The following TESPA1 variants were observed in gnomAD, a reference collection of about 807,000 sequenced individuals.
The protein encoded by TESPA1 is thymocyte expressed, positive selection associated 1.
In TESPA1, 33 loss-of-function variants were observed where a neutral mutation model predicts 57.9. That is an observed-to-expected ratio of 0.57 (90% CI 0.43 to 0.76). The LOEUF is 0.76. Ranked by LOEUF, TESPA1 falls within the 30% of genes least tolerant of loss-of-function variation. TESPA1 has a pLI of 0.00. For missense variants in TESPA1, 618 were observed against 632.9 expected (o/e 0.98, Z 0.25); for synonymous variants, 227 against 228.9 (o/e 0.99, Z 0.07).
intron 3 of TESPA1, among the ~76,000 whole-genome samples, chr12:54,968,421 T>C (rs935012087): frequency 2.0e-5 from 3 of 152,218 alleles, no homozygotes; most frequent in African/African-American, 7.2e-5. Context: ...TTTAAAATTT[T>C]CAGACATGGT....
intron 4 of TESPA1, among the ~76,000 whole-genome samples, 175 bp from the exon 5 acceptor site, chr12:54,967,411 C>A (rs543244462): frequency 3.3e-5 from 5 of 150,638 alleles, no homozygotes; most frequent in African/African-American, 9.8e-5. Flanking sequence ...ACATATATCA[C>A]CTCAGAAGTC....
At chr12:54,973,442 G>A in intron 3 of TESPA1, 35 bp downstream of exon 3, 1 of 1,613,694 alleles carries the variant, frequency 6.2e-7, no homozygotes, top group Non-Finnish European at 8.5e-7. Flanking sequence ...TCAACCATCA[G>A]CCACATACCA....
chr12:54,982,718 A>C (rs187206331), intron 1 of TESPA1, among the ~76,000 whole-genome samples: 2 of 152,374 alleles, frequency 1.3e-5, no homozygotes, highest in Admixed American at 1.3e-4. Context: ...GAAAGTAGGG[A>C]GAATGAGCAG....
At chr12:54,983,289 A>G (rs1952389615) in intron 1 of TESPA1, among the ~76,000 whole-genome samples, 1 of 152,270 alleles carries the variant, frequency 6.6e-6, no homozygotes, top group South Asian at 2.1e-4. Context: ...CCTGGGGTGC[A>G]TGCGAATAAC....
Position 54,949,390 on chromosome 12 carries a change from T to C in TESPA1, c.*1002A>G, listed in dbSNP as rs1416251590. 4 of 151,590 alleles carry C rather than the reference T, an allele frequency of 2.6e-5. No homozygotes were observed. Among genetic ancestry groups the C allele is most frequent in the African/African-American group, 9.7e-5 (4 of 41,316 alleles). The allele number at this position is 151,590 out of a possible 1,614,324, so 9.4% of individuals were successfully genotyped here. ...GTCCCTCTCTTCCTGTTTTTTTTTT[T>C]TTTTTCTTTTGTCTCACAATTTATT... On this transcript the variant is annotated 3_prime_UTR_variant, in exon 11 of 11. Coordinates refer to ENST00000449076, the MANE Select transcript of TESPA1 (RefSeq NM_001136030.3).
At position 54,963,845 on chromosome 12, in the gene TESPA1, T is replaced by C. The variant is rs1410050553; in HGVS notation, c.552A>G (p.Arg184=). 35 of 1,613,756 alleles carry C rather than the reference T, an allele frequency of 2.2e-5. No homozygotes were observed. The highest frequency in any genetic ancestry group is 2.9e-5 in the Non-Finnish European group (34 of 1,179,856). Residue 184 remains arginine (R), a synonymous_variant, in exon 8 of 11, where the codon CGA becomes CGG. Transcript: ENST00000449076. ...TGGCCTGAGAGGGGGTGGTGAAAAA[T>C]CGGGCGGGTATCCGAGAAGTGTCTT... ...DHKDTSRIPA[R]FFTTPSQAKG... is the part of the protein sequence containing the mutation.
intron 3 of TESPA1, among the ~76,000 whole-genome samples, chr12:54,969,182 T>C (rs965900688): frequency 1.5e-4 from 23 of 151,530 alleles, no homozygotes; most frequent in African/African-American, 5.3e-4. Context: ...AGGTTCATTA[T>C]AAAATATGAA....
At chr12:54,966,259 T>C (rs1951424565) in intron 6 of TESPA1, 108 bp from the exon 7 acceptor site, 1 of 1,571,080 alleles carries the variant, frequency 6.4e-7, no homozygotes, top group Non-Finnish European at 8.7e-7. Flanking sequence ...GTCTATGCAG[T>C]GCTTGTTCGT....
chr12:54,960,204 C>T (rs1950988317), intron 10 of TESPA1, among the ~76,000 whole-genome samples: 1 of 152,038 alleles, frequency 6.6e-6, no homozygotes, highest in Non-Finnish European at 1.5e-5. Context: ...ATCCCTTATG[C>T]CATTTTCTTT....
chr12:54,954,754 A>G (rs1950628334), intron 10 of TESPA1, among the ~76,000 whole-genome samples: 1 of 152,200 alleles, frequency 6.6e-6, no homozygotes, highest in African/African-American at 2.4e-5. Context: ...GCCATCACAT[A>G]TTGCAAGGCT....
At position 54,984,505 on chromosome 12, in the gene TESPA1, T is replaced by TTGACATGACAGC. The variant is rs1952427167; in HGVS notation, c.-46+79_-46+80insGCTGTCATGTCA. ...TCCCTTGACTTGACAGCCTGATTTTTCTCTGACATGTTTCCTTCTTTCTCC... is the reference window on the plus strand; with the variant it reads ...TCCCTTGACTTGACAGCCTGATTTTTTGACATGACAGCCTCTGACATGTTTCCTTCTTTCTCC... On this transcript the variant is annotated intron_variant, in intron 1 of 10. Coordinates refer to ENST00000449076, the MANE Select transcript of TESPA1 (RefSeq NM_001136030.3). The TTGACATGACAGC allele has an allele frequency of 4.0e-5, 6 of 151,502 alleles. No individual in the cohort carries two copies. In the South Asian group the frequency reaches 1.2e-3, roughly 31 times the overall value. The allele number at this position is 151,502 out of a possible 1,614,324, so 9.4% of individuals were successfully genotyped here.
At chr12:54,978,841 G>A (rs1187256393) in intron 1 of TESPA1, among the ~76,000 whole-genome samples, 9 of 152,048 alleles carry the variant, frequency 5.9e-5, no homozygotes, top group Non-Finnish European at 1.0e-4. Context: ...CCATGCCTGC[G>A]CCATATGCAA....
At chr12:54,950,415 A>G (rs1356109301) in intron 10 of TESPA1, 25 bp from the exon 11 acceptor site, 4 of 439,760 alleles carry the variant, frequency 9.1e-6, no homozygotes, top group African/African-American at 4.1e-5. Flanking sequence ...AAAAAGATAC[A>G]TATCATGCAT....
intron 1 of TESPA1, among the ~76,000 whole-genome samples, chr12:54,980,512 C>T (rs1388870437): frequency 6.6e-6 from 1 of 152,180 alleles, no homozygotes; most frequent in East Asian, 1.9e-4. Flanking sequence ...GAGCTGATAC[C>T]ATCACCGCCC....
intron 3 of TESPA1, among the ~76,000 whole-genome samples, chr12:54,970,449 C>G (rs1565862450): frequency 6.6e-6 from 1 of 152,154 alleles, no homozygotes; most frequent in African/African-American, 2.4e-5. Flanking sequence ...TCCTACATTT[C>G]TCTTCTTTAG....
At chr12:54,983,211 T>TA (rs1430823289) in intron 1 of TESPA1, among the ~76,000 whole-genome samples, 4 of 152,316 alleles carry the variant, frequency 2.6e-5, no homozygotes, top group African/African-American at 9.6e-5. Flanking sequence ...GGTTCCATCT[T>TA]AATTTTCAAA....
At chr12:54,972,297 T>C (rs1951878320) in intron 3 of TESPA1, among the ~76,000 whole-genome samples, 1 of 152,214 alleles carries the variant, frequency 6.6e-6, no homozygotes, top group Admixed American at 6.5e-5. Flanking sequence ...TCTAAGTCAA[T>C]GAGCATATTT....
At chr12:54,958,162 A>T (rs1950846880) in intron 10 of TESPA1, among the ~76,000 whole-genome samples, 1 of 152,244 alleles carries the variant, frequency 6.6e-6, no homozygotes, top group South Asian at 2.1e-4. Flanking sequence ...TGCATTGCAT[A>T]GATTGCCCAG....
At chr12:54,951,279 T>C (rs1251527540) in intron 10 of TESPA1, among the ~76,000 whole-genome samples, 1 of 152,222 alleles carries the variant, frequency 6.6e-6, no homozygotes, top group East Asian at 1.9e-4. Context: ...CTGCTGACCA[T>C]GTGAATATGT....
Sources: gnomAD v4.1 joint callset for allele counts (sites outside exome capture counted in the v4.1 genomes callset) on GRCh38, gnomAD v4.1.1 for gene constraint, MANE v1.5 for transcripts, NCBI Gene and HGNC (gene_info 2026-07-23, HGNC 2026-07-21) for gene names.